DYM: variants seen among roughly 807,000 people sequenced by gnomAD.
DYM encodes dyggve-Melchior-Clausen syndrome protein.
Under a neutral mutation model 93.1 loss-of-function variants are expected in DYM, and 78 were observed. That is an observed-to-expected ratio of 0.84 (90% CI 0.70 to 1.01). The LOEUF (loss-of-function observed/expected upper bound fraction) is 1.01. Among genes scored for constraint, DYM ranks in the 50% least tolerant of loss-of-function variants. The pLI, the probability that DYM is intolerant of heterozygous loss-of-function variation, is 0.00. For synonymous variants in DYM, 321 were observed against 319.7 expected (o/e 1.00, Z -0.04); for missense variants, 789 against 845.0 (o/e 0.93, Z 0.82).
intron 1 of DYM, among the ~76,000 whole-genome samples, chr18:49,433,975 C>T (rs886257515): frequency 2.0e-5 from 3 of 152,098 alleles, no homozygotes; most frequent in African/African-American, 7.2e-5. Context: ...CCTGAGAGGC[C>T]AAGGCGGATG....
At chr18:49,131,532 C>G (rs967829385) in intron 15 of DYM, among the ~76,000 whole-genome samples, 5 of 152,158 alleles carry the variant, frequency 3.3e-5, no homozygotes, top group Admixed American at 2.6e-4. Flanking sequence ...GTCTCTGCCT[C>G]TTCTTATAAG....
At chr18:49,267,564 A>G (rs992097136) in intron 11 of DYM, among the ~76,000 whole-genome samples, 4 of 152,190 alleles carry the variant, frequency 2.6e-5, no homozygotes, top group African/African-American at 9.7e-5. Flanking sequence ...GAGCGATATA[A>G]TTCTGTGGTG....
chr18:49,289,772 T>TATATACATAC (rs1555678772), intron 8 of DYM, among the ~76,000 whole-genome samples: 6 of 36,634 alleles, frequency 1.6e-4, no homozygotes, highest in African/African-American at 7.5e-4. Flanking sequence ...TATATATATA[T>TATATACATAC]ACACATATAT....
intron 6 of DYM, among the ~76,000 whole-genome samples, chr18:49,334,435 T>A (rs2063525567): frequency 1.3e-5 from 2 of 152,198 alleles, no homozygotes; most frequent in African/African-American, 4.8e-5. Context: ...GGTTACTCTG[T>A]CCTCTCAAGA....
chr18:49,401,469 T>C (rs558307053), intron 2 of DYM, among the ~76,000 whole-genome samples: 1 of 152,314 alleles, frequency 6.6e-6, no homozygotes, highest in East Asian at 1.9e-4. Context: ...TTTTGATACA[T>C]GTACACACTG....
At chr18:49,375,286 C>A (rs2067402349) in intron 5 of DYM, among the ~76,000 whole-genome samples, 1 of 150,566 alleles carries the variant, frequency 6.6e-6, no homozygotes, top group East Asian at 1.9e-4. Context: ...AACATATATA[C>A]ACATATATAT....
intron 14 of DYM, among the ~76,000 whole-genome samples, chr18:49,198,036 T>C (rs1246034409): frequency 2.6e-5 from 4 of 152,106 alleles, no homozygotes; most frequent in African/African-American, 9.7e-5. Flanking sequence ...AACAGAGATA[T>C]AGACCAATGG....
At chr18:49,335,432 G>A (rs148175430) in intron 6 of DYM, among the ~76,000 whole-genome samples, 3,859 of 151,948 alleles carry the variant, frequency 0.025, 153 homozygotes, top group African/African-American at 0.087. Flanking sequence ...CTCCAGCCTG[G>A]GCAACAGAGT....
At chr18:49,202,387 G>A (rs1479523308) in intron 14 of DYM, among the ~76,000 whole-genome samples, 4 of 151,248 alleles carry the variant, frequency 2.6e-5, no homozygotes, top group Non-Finnish European at 4.4e-5. Context: ...CCAAAGTGCC[G>A]AGATTGCAGC....
chr18:49,397,789 G>T (rs987480399), intron 2 of DYM, among the ~76,000 whole-genome samples: 1 of 152,026 alleles, frequency 6.6e-6, no homozygotes, highest in Non-Finnish European at 1.5e-5. Flanking sequence ...ATATTTCAAA[G>T]GTTTTTAAAA....
At chr18:49,429,327 T>C (rs138097899) in intron 2 of DYM, among the ~76,000 whole-genome samples, 302 of 152,326 alleles carry the variant, frequency 2.0e-3, no homozygotes, top group African/African-American at 7.0e-3. Context: ...ATGTAACATA[T>C]TCAGATTCTG....
intron 2 of DYM, among the ~76,000 whole-genome samples, chr18:49,399,079 G>T (rs184863469): frequency 3.8e-4 from 58 of 152,318 alleles, no homozygotes; most frequent in African/African-American, 1.2e-3. Context: ...TGGGTGCCTA[G>T]GACATGCTAG....
chr18:49,303,520 G>A (rs2061078457), intron 8 of DYM, among the ~76,000 whole-genome samples: 2 of 152,182 alleles, frequency 1.3e-5, no homozygotes, highest in Non-Finnish European at 2.9e-5. Flanking sequence ...TGCAAGTGGA[G>A]AGGAGGAAGG....
rs140953069 is a variant in DYM, at chr18:49,158,652, T to C, written c.1728+5033A>G. ...TACTCTCTGTCTTCATGAGTTCAGT[T>C]GTATTAATTTTTAGCTCCCATAAAT... On this transcript the variant is annotated intron_variant, in intron 15 of 17. Transcript: ENST00000675505. 1.4e-3 allele frequency among the ~76,000 whole-genome samples: 210 copies of C among 152,296 alleles called. 1 individual carries two copies. Among genetic ancestry groups the C allele is most frequent in the African/African-American group, 4.7e-3 (196 of 41,576 alleles).
At chr18:49,396,813 G>A (rs2070150599) in intron 2 of DYM, among the ~76,000 whole-genome samples, 1 of 152,064 alleles carries the variant, frequency 6.6e-6, no homozygotes, top group African/African-American at 2.4e-5. Context: ...AATAAGTCAA[G>A]CACAAAAGAC....
intron 13 of DYM, among the ~76,000 whole-genome samples, chr18:49,239,882 G>T (rs2093971102): frequency 6.6e-6 from 1 of 152,188 alleles, no homozygotes; most frequent in African/African-American, 2.4e-5. Context: ...CACAGAAATA[G>T]ACAACAGCAA....
At chr18:49,240,512 T>C (rs2093985022) in intron 13 of DYM, among the ~76,000 whole-genome samples, 2 of 152,230 alleles carry the variant, frequency 1.3e-5, no homozygotes, top group Admixed American at 1.3e-4. Context: ...ACACATTTCA[T>C]CAAATAATAG....
chr18:49,331,094 G>C (rs539644835), intron 8 of DYM, among the ~76,000 whole-genome samples: 1 of 151,842 alleles, frequency 6.6e-6, no homozygotes, highest in Non-Finnish European at 1.5e-5. Flanking sequence ...TGCAGCTGTG[G>C]AAATGTGTTC....
chr18:49,382,856 G>A (rs1254682682), intron 3 of DYM, among the ~76,000 whole-genome samples: 1 of 152,140 alleles, frequency 6.6e-6, no homozygotes, highest in African/African-American at 2.4e-5. Flanking sequence ...GCAAAGTTTG[G>A]GTAACATTCA....
Sources: gnomAD v4.1 joint callset for allele counts (sites outside exome capture counted in the v4.1 genomes callset) on GRCh38, gnomAD v4.1.1 for gene constraint, MANE v1.5 for transcripts, NCBI Gene and HGNC (gene_info 2026-07-23, HGNC 2026-07-21) for gene names.